The following SIPA1L3 variants were observed in gnomAD, a reference collection of about 807,000 sequenced individuals.
SIPA1L3 encodes signal-induced proliferation-associated 1-like protein 3.
In SIPA1L3, 59 loss-of-function variants were observed where a neutral mutation model predicts 150.1. That is an observed-to-expected ratio of 0.39 (90% CI 0.32 to 0.49). The LOEUF (loss-of-function observed/expected upper bound fraction) is 0.49. Ranked by LOEUF, SIPA1L3 falls within the 20% of genes least tolerant of loss-of-function variation. SIPA1L3 has a pLI of 0.86. For missense variants in SIPA1L3, 2,211 were observed against 2,489.5 expected, an observed-to-expected ratio of 0.89 and a Z score of 2.38; for synonymous variants, 1,070 against 1,077.6, an observed-to-expected ratio of 0.99 and a Z score of 0.14.
At chr19:38,141,641 T>C (rs967823696) in intron 11 of SIPA1L3, among the ~76,000 whole-genome samples, 5 of 152,158 alleles carry the variant, frequency 3.3e-5, no homozygotes, top group African/African-American at 1.2e-4. Context: ...GACCCAGTGC[T>C]GGGGAGCTCT....
chr19:38,195,012 C>T (rs758099963), intron 18 of SIPA1L3, among the ~76,000 whole-genome samples: 3 of 151,924 alleles, frequency 2.0e-5, no homozygotes, highest in African/African-American at 4.8e-5. Flanking sequence ...GATCAAGCCA[C>T]TGCACTCCAG....
rs145251751 is a variant in SIPA1L3, at chr19:38,011,609, C to T, written c.-378-17480C>T. ...TGCCTTGAGAATAGCTAGAGCCACA[C>T]GTGCAAAGGCCCCAGGGCAAGCATG... On this transcript the variant is annotated intron_variant, in intron 1 of 21. Transcript: ENST00000222345. Among the ~76,000 whole-genome samples, 104 of 152,308 alleles carry T rather than the reference C, an allele frequency of 6.8e-4. 1 individual carries two copies. Among genetic ancestry groups the T allele is most frequent in the Admixed American group, 2.4e-3 (37 of 15,302 alleles).
chr19:38,128,393 A>G (rs747253510), intron 9 of SIPA1L3, among the ~76,000 whole-genome samples: 1 of 152,122 alleles, frequency 6.6e-6, no homozygotes, highest in Non-Finnish European at 1.5e-5. Context: ...CAAATCAGGA[A>G]CCAAACAGAT....
intron 10 of SIPA1L3, among the ~76,000 whole-genome samples, chr19:38,134,784 C>T (rs942788790): frequency 3.3e-5 from 5 of 150,376 alleles, no homozygotes; most frequent in Admixed American, 2.7e-4. Flanking sequence ...GACACTGGCA[C>T]CAAGATACTG....
intron 2 of SIPA1L3, among the ~76,000 whole-genome samples, chr19:38,033,673 A>G (rs959598505): frequency 1.2e-3 from 35 of 29,556 alleles, no homozygotes; most frequent in Admixed American, 2.6e-3. Flanking sequence ...AGAGATACGT[A>G]TGTGTGTGTG....
chr19:38,057,264 A>G (rs1035609514), intron 2 of SIPA1L3, among the ~76,000 whole-genome samples: 1 of 148,166 alleles, frequency 6.7e-6, no homozygotes, highest in Admixed American at 6.8e-5. Flanking sequence ...CTCCAGCAAG[A>G]CTCCATCTCA....
intron 2 of SIPA1L3, among the ~76,000 whole-genome samples, chr19:38,055,888 A>G (rs1969303526): frequency 6.6e-6 from 1 of 152,172 alleles, no homozygotes; most frequent in African/African-American, 2.4e-5. Flanking sequence ...CCCATAGGAG[A>G]GCTGAGGCTG....
At chr19:38,122,823 C>T (rs1037658362) in intron 9 of SIPA1L3, among the ~76,000 whole-genome samples, 2 of 152,188 alleles carry the variant, frequency 1.3e-5, no homozygotes, top group African/African-American at 4.8e-5. Flanking sequence ...CCACATGGCT[C>T]GCTCCCTTTC....
At chr19:38,166,059 G>A (rs954710794) in intron 15 of SIPA1L3, among the ~76,000 whole-genome samples, 3 of 151,994 alleles carry the variant, frequency 2.0e-5, no homozygotes, top group Admixed American at 1.3e-4. Flanking sequence ...CACCATGCCC[G>A]GCTGAGAATA....
At chr19:38,115,361 G>T (rs1403557738) in intron 8 of SIPA1L3, among the ~76,000 whole-genome samples, 1 of 152,180 alleles carries the variant, frequency 6.6e-6, no homozygotes, top group African/African-American at 2.4e-5. Context: ...GCCAAACTCA[G>T]CTGGAAGCCC....
rs1282833335 is a variant in SIPA1L3, at chr19:38,106,632, A to G, written c.2125A>G (p.Arg709Gly). The change falls in exon 7 of 22, where the codon AGG becomes GGG. Residue 709 changes from arginine to glycine, a missense_variant. Physicochemically the swap from Arg to Gly is moderately radical, Grantham distance 125 (BLOSUM62 -2). Coordinates refer to ENST00000222345, the MANE Select transcript of SIPA1L3 (RefSeq NM_015073.3). Reference protein sequence around the residue: ...STLLPYTPNNRQQLLRKRHIG... With the variant: ...STLLPYTPNNGQQLLRKRHIG... The stretch of plus-strand genomic sequence containing the variant: ...CCTGCTCCCTTACACCCCCAACAAC[A>G]GGCAGCAGGTCAGTGATTTTCAGCA... 6.2e-7 allele frequency: 1 copy of G among 1,610,100 alleles called. No homozygotes were observed. The highest frequency in any genetic ancestry group is 1.3e-5 in the African/African-American group (1 of 74,920).
intron 1 of SIPA1L3, among the ~76,000 whole-genome samples, chr19:37,918,639 G>A (rs1471428083): frequency 1.3e-5 from 2 of 152,056 alleles, no homozygotes; most frequent in Admixed American, 6.5e-5. Flanking sequence ...GGAGGATGAG[G>A]AGGGCGGATC....
intron 15 of SIPA1L3, among the ~76,000 whole-genome samples, chr19:38,169,851 G>T (rs181050456): frequency 6.6e-6 from 1 of 152,210 alleles, no homozygotes; most frequent in Non-Finnish European, 1.5e-5. Context: ...AGGGGTCAGG[G>T]TCAGGGTGGG....
rs369474178 is a variant in SIPA1L3 at position 38,164,878 on chromosome 19, G to A, written c.4180G>A (p.Gly1394Ser). 2.6e-6 allele frequency: 4 copies of A among 1,563,456 alleles called. No individual in the cohort carries two copies. Among genetic ancestry groups the A allele is most frequent in the Non-Finnish European group, 3.5e-6 (4 of 1,152,510 alleles). ...GSSTPTGLAGGSRDPPRQPSD... is the reference protein window; with the variant it reads ...GSSTPTGLAGSSRDPPRQPSD... ...CAGCACCCCCACGGGACTGGCGGGG[G>A]GCAGCCGAGACCCACCGAGGCAGCC... The change falls in exon 15 of 22, where the codon GGC becomes AGC. Residue 1394 changes from glycine (G) to serine (S), a missense_variant. By Grantham distance (56) the Gly-to-Ser change is moderately conservative. Transcript: ENST00000222345. The surrounding 1 kb of genome is among the most constrained non-coding windows in gnomAD (Gnocchi z 4.1).
chr19:38,123,862 C>T lies in SIPA1L3; in HGVS notation c.2868+3980C>T, dbSNP rs1243477486. On this transcript the variant is annotated intron_variant, in intron 9 of 21. Coordinates refer to ENST00000222345, the MANE Select transcript of SIPA1L3 (RefSeq NM_015073.3). ...GTGGCCGGGCAGAGGCGCCCCTCAC[C>T]TCCCGGACAGGGCGGCTGGCCGGGC... 6.5e-4 allele frequency among the ~76,000 whole-genome samples: 84 copies of T among 129,330 alleles called. 1 individual carries two copies. The highest frequency in any genetic ancestry group is 5.8e-4 in the Admixed American group (8 of 13,718). 84.8% of individuals were successfully genotyped at this position (129,330 alleles called of 152,430 possible). A position where few individuals can be genotyped will look rare whatever the true frequency, so the allele number is the denominator to read the frequency against.
chr19:38,078,880 T>A (rs1403755566), intron 2 of SIPA1L3, among the ~76,000 whole-genome samples: 3 of 152,150 alleles, frequency 2.0e-5, no homozygotes, highest in Non-Finnish European at 2.9e-5. Context: ...ATTTTCATCT[T>A]CTAGAAGTTC....
intron 15 of SIPA1L3, among the ~76,000 whole-genome samples, chr19:38,172,107 A>G (rs1235899045): frequency 1.3e-5 from 2 of 152,122 alleles, no homozygotes; most frequent in East Asian, 3.9e-4. Context: ...TGAGGCTTGG[A>G]TCTGCATGGG....
chr19:38,125,531 A>G (rs756683235), intron 9 of SIPA1L3, among the ~76,000 whole-genome samples: 4 of 151,514 alleles, frequency 2.6e-5, no homozygotes, highest in Non-Finnish European at 5.9e-5. Context: ...TTCCACAGCC[A>G]TACCCCCACC....
chr19:38,183,241 G>T (rs892884044), intron 16 of SIPA1L3, among the ~76,000 whole-genome samples: 2 of 152,194 alleles, frequency 1.3e-5, no homozygotes, highest in Non-Finnish European at 2.9e-5. Context: ...AGCAGAGAGG[G>T]GGCAGGATCT....
Sources: allele counts gnomAD v4.1 joint callset (sites outside exome capture counted in the v4.1 genomes callset), GRCh38; gene constraint gnomAD v4.1.1; non-coding constraint Gnocchi (gnomAD v3.1); transcripts MANE v1.5; gene names NCBI Gene and HGNC (gene_info 2026-07-23, HGNC 2026-07-21).